Variants in PKN2 observed in about 807,000 individuals in gnomAD.
The protein encoded by PKN2 is protein kinase N2, also known as serine/threonine-protein kinase N2.
PKN2 carries 38 observed loss-of-function variants against 119.1 expected under a neutral mutation model. The observed-to-expected ratio is 0.32, with a 90% CI of 0.25 to 0.42. The LOEUF is 0.42. Among genes scored for constraint, PKN2 ranks in the 10% least tolerant of loss-of-function variants. The pLI is 1.00. For missense variants in PKN2, 850 were observed against 1,165.1 expected, an observed-to-expected ratio of 0.73 and a Z score of 3.94; for synonymous variants, 390 against 384.9, an observed-to-expected ratio of 1.01 and a Z score of -0.15.
chr1:88,773,214 A>G lies in PKN2; in HGVS notation c.985+1335A>G, dbSNP rs1440078695. ...TATTGTATTCTGTTTTATAAGATCCATTCTGTCAGTCTTTTTTTTTTTTAA... is the reference window on the plus strand; with the variant it reads ...TATTGTATTCTGTTTTATAAGATCCGTTCTGTCAGTCTTTTTTTTTTTTAA... On this transcript the variant is annotated intron_variant, in intron 6 of 21. Coordinates refer to ENST00000370521, the MANE Select transcript of PKN2 (RefSeq NM_006256.4). Among the ~76,000 whole-genome samples, 36 of 147,996 alleles carry G rather than the reference A, an allele frequency of 2.4e-4. 1 individual carries two copies. Among genetic ancestry groups the G allele is most frequent in the Non-Finnish European group, 2.2e-4 (15 of 67,244 alleles).
chr1:88,782,128 C>T (rs1000143057), intron 6 of PKN2, among the ~76,000 whole-genome samples: 1 of 152,078 alleles, frequency 6.6e-6, no homozygotes, highest in African/African-American at 2.4e-5. Context: ...AAAAACTATA[C>T]ATATGTTAAG....
chr1:88,822,077 CT>C, intron 17 of PKN2, 74 bp downstream of exon 17: 1 of 1,285,888 alleles, frequency 7.8e-7, no homozygotes, highest in Non-Finnish European at 1.0e-6. Context: ...TTTTGTTTTT[CT>C]TAAACATTTT....
At chr1:88,688,327 C>T (rs941896920) in intron 1 of PKN2, among the ~76,000 whole-genome samples, 14 of 152,182 alleles carry the variant, frequency 9.2e-5, no homozygotes, top group African/African-American at 2.2e-4. Flanking sequence ...CCTCGTGATT[C>T]GCTTGCCTCG....
chr1:88,813,488 T>A, intron 15 of PKN2, 69 bp from the exon 16 acceptor site: 1 of 1,124,566 alleles, frequency 8.9e-7, no homozygotes, highest in Non-Finnish European at 1.2e-6. Context: ...GTTTAGTAAT[T>A]TATAAAGAAT....
rs34210018 is a variant in PKN2, at chr1:88,751,377, TACAC to T, written c.350-8822_350-8819del. 2.3e-3 allele frequency among the ~76,000 whole-genome samples: 341 copies of T among 146,654 alleles called. No individual in the cohort carries two copies. In the Middle Eastern group the frequency reaches 0.025, roughly 11 times the overall value. ...TATACATACATTATATATTTACACATACACACACACACACACACACACACACCTG... is the reference window on the plus strand; with the variant it reads ...TATACATACATTATATATTTACACATACACACACACACACACACACACCTG... On this transcript the variant is annotated intron_variant, in intron 2 of 21. Transcript: ENST00000370521.
chr1:88,789,138 G>A (rs924882584), intron 8 of PKN2, among the ~76,000 whole-genome samples: 1 of 152,192 alleles, frequency 6.6e-6, no homozygotes, highest in East Asian at 1.9e-4. Context: ...GGGAAAGAGA[G>A]TATAGAAGCA....
intron 17 of PKN2, among the ~76,000 whole-genome samples, chr1:88,823,170 T>A (rs1050370659): frequency 6.6e-6 from 1 of 152,010 alleles, no homozygotes; most frequent in Admixed American, 6.6e-5. Flanking sequence ...CAGTGAGCCG[T>A]GATTATGCCA....
At chr1:88,812,548 T>A (rs1317604925) in intron 15 of PKN2, among the ~76,000 whole-genome samples, 1 of 152,152 alleles carries the variant, frequency 6.6e-6, no homozygotes, top group Non-Finnish European at 1.5e-5. Context: ...AAGACAAGCC[T>A]GGGCAACATA....
At chr1:88,711,423 T>A (rs1667231674) in intron 1 of PKN2, among the ~76,000 whole-genome samples, 1 of 152,200 alleles carries the variant, frequency 6.6e-6, no homozygotes, top group African/African-American at 2.4e-5. Flanking sequence ...GTTGGAAGTG[T>A]AAGAACCTCA....
chr1:88,722,278 T>C (rs12405085), intron 1 of PKN2, among the ~76,000 whole-genome samples: 3,194 of 152,296 alleles, frequency 0.021, 70 homozygotes, highest in South Asian at 0.069. Flanking sequence ...TCTTTTATGC[T>C]TGAATATGTA....
Position 88,740,081 on chromosome 1 carries a change from A to G in PKN2, c.49-907A>G, listed in dbSNP as rs192553701. 1.5e-4 allele frequency among the ~76,000 whole-genome samples: 23 copies of G among 152,292 alleles called. No homozygotes were observed. In the East Asian group the frequency reaches 4.2e-3, roughly 28 times the overall value. On this transcript the variant is annotated intron_variant, in intron 1 of 21. Transcript: ENST00000370521. ...TTACATACCACTTGTATTGTGTATT[A>G]TAAATAACTAGAGATTAAAGTATGG...
chr1:88,750,967 A>G (rs6672895), intron 2 of PKN2, among the ~76,000 whole-genome samples: 10,204 of 152,226 alleles, frequency 0.067, 699 homozygotes, highest in African/African-American at 0.18. Flanking sequence ...TCTAGAATTC[A>G]GATTCAGTGC....
chr1:88,737,394 TG>T (rs34144019), intron 1 of PKN2, among the ~76,000 whole-genome samples: 3,096 of 152,230 alleles, frequency 0.02, 68 homozygotes, highest in South Asian at 0.07. Flanking sequence ...AGTCTTACCA[TG>T]GCAGACTTGT....
chr1:88,694,487 G>T (rs1355626198), intron 1 of PKN2, among the ~76,000 whole-genome samples: 1 of 152,080 alleles, frequency 6.6e-6, no homozygotes, highest in Non-Finnish European at 1.5e-5. Flanking sequence ...ATATCCCATT[G>T]TCTGTATGTA....
intron 1 of PKN2, among the ~76,000 whole-genome samples, chr1:88,729,602 A>G (rs532008360): frequency 2.7e-4 from 41 of 152,308 alleles, no homozygotes; most frequent in Non-Finnish European, 4.6e-4. Flanking sequence ...ACTTCTTTAT[A>G]TAGCAGTTGG....
At chr1:88,691,375 A>G (rs1666328602) in intron 1 of PKN2, among the ~76,000 whole-genome samples, 1 of 152,068 alleles carries the variant, frequency 6.6e-6, no homozygotes, top group African/African-American at 2.4e-5. Context: ...TGAGTATCAT[A>G]TATTTTACAC....
intron 16 of PKN2, among the ~76,000 whole-genome samples, chr1:88,817,621 A>C (rs905145238): frequency 1.3e-5 from 2 of 151,610 alleles, no homozygotes; most frequent in Non-Finnish European, 2.9e-5. Flanking sequence ...AGGCAGGAGA[A>C]TCGCTTGAAC....
rs182893088 is a variant in PKN2, at chr1:88,744,182, A to G, written c.349+2894A>G. Among the ~76,000 whole-genome samples, 402 of 152,248 alleles carry G rather than the reference A, an allele frequency of 2.6e-3. 2 individuals carry two copies. The highest frequency in any genetic ancestry group is 9.2e-3 in the African/African-American group (382 of 41,548). On this transcript the variant is annotated intron_variant, in intron 2 of 21. Transcript: ENST00000370521. ...AAATTTTAGATGTTTTACCTTGCAC[A>G]CTAAGGTAATCCCATGAATTTATTT... is the stretch of plus-strand genomic sequence containing the variant.
At chr1:88,775,871 C>T (rs560796928) in intron 6 of PKN2, among the ~76,000 whole-genome samples, 3 of 152,132 alleles carry the variant, frequency 2.0e-5, no homozygotes, top group Admixed American at 1.3e-4. Flanking sequence ...TTTGGGAGGC[C>T]GAGGCGGGTG....
Sources: allele counts gnomAD v4.1 joint callset (sites outside exome capture counted in the v4.1 genomes callset), GRCh38; gene constraint gnomAD v4.1.1; transcripts MANE v1.5; gene names NCBI Gene and HGNC (gene_info 2026-07-23, HGNC 2026-07-21).